The following TVP23A variants were observed in gnomAD, a reference collection of about 807,000 sequenced individuals.
The protein encoded by TVP23A is trans-golgi network vesicle protein 23 homolog A, also known as Golgi apparatus membrane protein TVP23 homolog A.
TVP23A carries 21 observed loss-of-function variants against 31.7 expected under a neutral mutation model. That is an observed-to-expected ratio of 0.66 (90% CI 0.47 to 0.95). The LOEUF (loss-of-function observed/expected upper bound fraction) is 0.95. TVP23A is among the 40% of genes least tolerant of loss of function. The pLI is 0.00. For synonymous variants in TVP23A, 104 were observed against 96.0 expected (o/e 1.08, Z -0.49); for missense variants, 279 against 255.6 (o/e 1.09, Z -0.62).
At chr16:10,782,190 G>A (rs1389780078) in intron 2 of TVP23A, among the ~76,000 whole-genome samples, 1 of 151,998 alleles carries the variant, frequency 6.6e-6, no homozygotes, top group Non-Finnish European at 1.5e-5. Flanking sequence ...ACACTCAGCT[G>A]TCATCAGACC....
intron 2 of TVP23A, among the ~76,000 whole-genome samples, chr16:10,816,263 A>G (rs1365563993): frequency 6.6e-6 from 1 of 150,958 alleles, no homozygotes; most frequent in East Asian, 2.0e-4. Context: ...TCCAGGTTCT[A>G]ATCCCCAGAA....
In TVP23A at chr16:10,774,193, T is replaced by TA. The variant is rs1247811030; in HGVS notation, c.235-66dup. On this transcript the variant is annotated intron_variant, in intron 3 of 7. Coordinates refer to ENST00000299866, the MANE Select transcript of TVP23A (RefSeq NM_001079512.4). ...CAAAGAGGCTTATTCACTGTATTGA[T>TA]AAACAAAAGTTCCTTGATTCATTTC... 56 of 1,238,030 alleles carry TA rather than the reference T, an allele frequency of 4.5e-5. No individual in the cohort carries two copies. In the East Asian group the frequency reaches 1.4e-3, roughly 30 times the overall value. 76.7% of individuals were successfully genotyped at this position (1,238,030 alleles called of 1,614,324 possible).
At chr16:10,814,772 G>A (rs901045102) in intron 2 of TVP23A, among the ~76,000 whole-genome samples, 1 of 152,168 alleles carries the variant, frequency 6.6e-6, no homozygotes, top group Non-Finnish European at 1.5e-5. Flanking sequence ...AGGTGGCTGA[G>A]GCCACCGTGC....
chr16:10,761,958 A>G, downstream of TVP23A: 1 of 916,862 alleles, frequency 1.1e-6, no homozygotes. Context: ...GGGCAATGGA[A>G]GGAGGAGGGT....
chr16:10,792,138 C>T (rs113715412), intron 2 of TVP23A, among the ~76,000 whole-genome samples: 4 of 152,216 alleles, frequency 2.6e-5, no homozygotes, highest in Non-Finnish European at 4.4e-5. Flanking sequence ...TTTTTCCCTT[C>T]GGAAGCCCTT....
At chr16:10,805,317 C>A (rs1177912665) in intron 2 of TVP23A, among the ~76,000 whole-genome samples, 1 of 152,048 alleles carries the variant, frequency 6.6e-6, no homozygotes, top group Admixed American at 6.6e-5. Flanking sequence ...CAGGTGTGAG[C>A]CACTGCACCC....
chr16:10,802,774 A>T (rs2033763762), intron 2 of TVP23A, among the ~76,000 whole-genome samples: 1 of 152,190 alleles, frequency 6.6e-6, no homozygotes. Flanking sequence ...CAGTTTCATT[A>T]ACCACTAAAA....
At chr16:10,765,176 T>C (rs1426839131), downstream of TVP23A, 2 of 152,512 alleles carry the variant, frequency 1.3e-5, no homozygotes, top group Non-Finnish European at 2.9e-5. The surrounding 1 kb of genome is among the most constrained non-coding windows in gnomAD (Gnocchi z 4.0). Context: ...AATTGCCACA[T>C]TTTCCAAGGT....
At position 10,818,194 on chromosome 16, in the gene TVP23A, G is replaced by A; in HGVS notation, c.10-12C>T. On this transcript the variant is annotated splice_polypyrimidine_tract_variant and intron_variant, in intron 1 of 7. Coordinates refer to ENST00000299866, the MANE Select transcript of TVP23A (RefSeq NM_001079512.4). This position sits in a 1 kb window ranked among gnomAD's most constrained non-coding sequence, Gnocchi z 4.7. The stretch of plus-strand genomic sequence containing the variant: ...TCGTCCACCAGGGCCTGGGAGGAGA[G>A]CAAGGGCAGGTGGCAGGCCCAAGCA... 3 of 1,597,356 alleles carry A rather than the reference G, an allele frequency of 1.9e-6. No homozygotes were observed. The highest frequency in any genetic ancestry group is 2.6e-6 in the Non-Finnish European group (3 of 1,171,906).
At chr16:10,805,628 C>G (rs140692715) in intron 2 of TVP23A, among the ~76,000 whole-genome samples, 2 of 151,032 alleles carry the variant, frequency 1.3e-5, no homozygotes, top group East Asian at 3.9e-4. Flanking sequence ...GTGAAGAGGA[C>G]TCCTCAGGGC....
chr16:10,785,127 G>A (rs146048175), intron 2 of TVP23A, among the ~76,000 whole-genome samples: 8,709 of 133,386 alleles, frequency 0.065, 293 homozygotes, highest in African/African-American at 0.11. Flanking sequence ...GAGCCAGGCC[G>A]GGCATGGTGG....
At chr16:10,760,997 G>A (rs868673318), downstream of TVP23A, 17 of 195,850 alleles carry the variant, frequency 8.7e-5, no homozygotes, top group Middle Eastern at 4.5e-3. Context: ...ATGGTGGAAG[G>A]CAAAGCAGGC....
rs762683762 is a variant in TVP23A, at chr16:10,767,076, C to T, written c.*2026G>A. The T allele has an allele frequency of 2.5e-6, 1 of 398,680 alleles. No individual in the cohort carries two copies. The highest frequency in any genetic ancestry group is 4.4e-6 in the Non-Finnish European group (1 of 226,194). 24.7% of individuals were successfully genotyped at this position (398,680 alleles called of 1,614,324 possible). ...GGAAATGATGAGTGCTAGGTAGGAACCCCTCCTGGGGTTCACCTGAGGCTG... is the reference window on the plus strand; with the variant it reads ...GGAAATGATGAGTGCTAGGTAGGAATCCCTCCTGGGGTTCACCTGAGGCTG... On this transcript the variant is annotated 3_prime_UTR_variant, in exon 8 of 8. Coordinates refer to ENST00000299866, the MANE Select transcript of TVP23A (RefSeq NM_001079512.4). This position sits in a 1 kb window ranked among gnomAD's most constrained non-coding sequence, Gnocchi z 4.6.
chr16:10,818,285 G>A lies in TVP23A; in HGVS notation c.10-103C>T. 1 of 1,289,582 alleles carries A rather than the reference G, an allele frequency of 7.8e-7. No individual in the cohort carries two copies. Among genetic ancestry groups the A allele is most frequent in the Non-Finnish European group, 1.1e-6 (1 of 922,062 alleles). 79.9% of individuals were successfully genotyped at this position (1,289,582 alleles called of 1,614,324 possible). A position where few individuals can be genotyped will look rare whatever the true frequency, so the allele number is the denominator to read the frequency against. Reference sequence around the variant, plus strand: ...TTGGACTCCACTTGCACCCCACCGGGTTCCCAAGTGGACCCTCCGAGCTGG... The same window carrying A: ...TTGGACTCCACTTGCACCCCACCGGATTCCCAAGTGGACCCTCCGAGCTGG... On this transcript the variant is annotated intron_variant, in intron 1 of 7. Coordinates refer to ENST00000299866, the MANE Select transcript of TVP23A (RefSeq NM_001079512.4). This position sits in a 1 kb window ranked among gnomAD's most constrained non-coding sequence, Gnocchi z 4.7.
Position 10,777,236 on chromosome 16 carries a change from G to A in TVP23A, c.90-2140C>T, listed in dbSNP as rs1157209647. ...CAGGCAGCTGTGCAAACCAGACCCA[G>A]TACTGCCAGAGCCAAGATTTTCATG... On this transcript the variant is annotated intron_variant, in intron 2 of 7. Transcript: ENST00000299866. The surrounding 1 kb of genome is among the most constrained non-coding windows in gnomAD (Gnocchi z 4.5). Among the ~76,000 whole-genome samples, 1 of 152,160 alleles carries A rather than the reference G, an allele frequency of 6.6e-6. No homozygotes were observed. Among genetic ancestry groups the A allele is most frequent in the Non-Finnish European group, 1.5e-5 (1 of 68,036 alleles).
intron 2 of TVP23A, among the ~76,000 whole-genome samples, chr16:10,791,306 C>T (rs528495238): frequency 1.3e-5 from 2 of 152,288 alleles, no homozygotes; most frequent in East Asian, 1.9e-4. Context: ...TCTTTGGCCC[C>T]GACACCCACT....
intron 2 of TVP23A, among the ~76,000 whole-genome samples, chr16:10,796,416 G>C (rs896180978): frequency 6.7e-6 from 1 of 149,756 alleles, no homozygotes; most frequent in African/African-American, 2.5e-5. Flanking sequence ...TGTAGTAAAA[G>C]GGATTTTATT....
At chr16:10,776,040 C>T (rs62026501) in intron 2 of TVP23A, among the ~76,000 whole-genome samples, 28,145 of 150,546 alleles carry the variant, frequency 0.19, 2,877 homozygotes, top group South Asian at 0.35. Context: ...TAAGCAACCA[C>T]GCCTGGCCTT....
intron 2 of TVP23A, among the ~76,000 whole-genome samples, chr16:10,807,612 T>C (rs951484090): frequency 3.9e-5 from 6 of 152,068 alleles, no homozygotes; most frequent in African/African-American, 7.2e-5. Flanking sequence ...CTATGATACA[T>C]AGGACAGCCT....
Sources: allele counts gnomAD v4.1 joint callset (sites outside exome capture counted in the v4.1 genomes callset), GRCh38; gene constraint gnomAD v4.1.1; non-coding constraint Gnocchi (gnomAD v3.1); transcripts MANE v1.5; gene names NCBI Gene and HGNC (gene_info 2026-07-23, HGNC 2026-07-21).